The following BTBD9 variants were observed in gnomAD, a reference collection of about 807,000 sequenced individuals.
BTBD9 encodes BTB/POZ domain-containing protein 9.
BTBD9 carries 49 observed loss-of-function variants against 64.3 expected under a neutral mutation model. The ratio of observed to expected loss-of-function variants is 0.76; its 90% CI spans 0.61 to 0.97. BTBD9 has a LOEUF of 0.97. BTBD9 is among the 50% of genes least tolerant of loss of function. The pLI is 0.00. For missense variants in BTBD9, 598 were observed against 762.1 expected (o/e 0.78, Z 2.53); for synonymous variants, 260 against 274.7 (o/e 0.95, Z 0.53).
At chr6:38,416,771 A>C (rs1446190167) in intron 6 of BTBD9, among the ~76,000 whole-genome samples, 1 of 152,106 alleles carries the variant, frequency 6.6e-6, no homozygotes, top group East Asian at 1.9e-4. Context: ...GGGCACAGTC[A>C]CCAAAGGGCT....
chr6:38,325,164 T>G (rs1485659667), intron 7 of BTBD9, among the ~76,000 whole-genome samples: 1 of 152,112 alleles, frequency 6.6e-6, no homozygotes, highest in Non-Finnish European at 1.5e-5. Flanking sequence ...ATAAAAACAT[T>G]TCTGAAAATT....
intron 6 of BTBD9, among the ~76,000 whole-genome samples, chr6:38,532,591 C>A (rs1316356407): frequency 2.0e-5 from 3 of 152,090 alleles, no homozygotes; most frequent in Non-Finnish European, 4.4e-5. Context: ...TGGATACCAG[C>A]TCAGCCACAG....
intron 6 of BTBD9, among the ~76,000 whole-genome samples, chr6:38,392,026 G>A (rs1449323104): frequency 6.6e-6 from 1 of 152,078 alleles, no homozygotes; most frequent in East Asian, 1.9e-4. Context: ...TGGATCACAT[G>A]GAGGAAAAAA....
intron 4 of BTBD9, chr6:38,588,358 GC>G: frequency 1.1e-6 from 1 of 873,320 alleles, no homozygotes; most frequent in East Asian, 2.4e-5. Flanking sequence ...TTATACTGTG[GC>G]CCCTGCCTCT....
chr6:38,585,756 C>T (rs1776487610), intron 4 of BTBD9, among the ~76,000 whole-genome samples: 1 of 152,146 alleles, frequency 6.6e-6, no homozygotes, highest in African/African-American at 2.4e-5. Flanking sequence ...AGTCTAGATT[C>T]AGGCACTGTG....
At chr6:38,435,058 G>A (rs544188415) in intron 6 of BTBD9, among the ~76,000 whole-genome samples, 1 of 151,770 alleles carries the variant, frequency 6.6e-6, no homozygotes, top group Non-Finnish European at 1.5e-5. Context: ...GCCAGGCATG[G>A]TGGCACATGC....
At position 38,288,033 on chromosome 6, in the gene BTBD9, C is replaced by T. The variant is rs192678750; in HGVS notation, c.1454+239G>A. Among the ~76,000 whole-genome samples, 18 of 152,254 alleles carry T rather than the reference C, an allele frequency of 1.2e-4. 1 individual carries two copies. In the East Asian group the frequency reaches 3.5e-3, roughly 29 times the overall value. On this transcript the variant is annotated intron_variant, in intron 8 of 10. Transcript: ENST00000481247. ...AGGACATAAGCCACCCAGGGAGAAG[C>T]CTCTTGTCTAGTTCCTCCATGAGTC... is the stretch of plus-strand genomic sequence containing the variant.
rs1327954136 is a variant in BTBD9 at position 38,256,422 on chromosome 6, T to G, written c.1549A>C (p.Lys517Gln). 3 of 1,612,734 alleles carry G rather than the reference T, an allele frequency of 1.9e-6. No homozygotes were observed. The highest frequency in any genetic ancestry group is 2.5e-6 in the Non-Finnish European group (3 of 1,178,746). ...GACACAACTTACTTGCAGGAGACTT[T>G]AGTTCTGTCAGCAACCATGGTCCAC... The part of the protein sequence containing the change: ...QQWTMVADRT[K>Q]VSCKSWQSVT... Residue 517 changes from lysine (K) to glutamine (Q), a missense_variant, in exon 9 of 11, where the codon AAA becomes CAA. Coordinates refer to ENST00000481247, the MANE Select transcript of BTBD9 (RefSeq NM_001099272.2).
intron 9 of BTBD9, among the ~76,000 whole-genome samples, chr6:38,222,420 CCA>C (rs1267604771): frequency 5.3e-5 from 8 of 151,792 alleles, no homozygotes; most frequent in African/African-American, 7.3e-5. Flanking sequence ...GCCACCATGC[CCA>C]TCTAATTTTT....
intron 6 of BTBD9, among the ~76,000 whole-genome samples, chr6:38,394,239 C>A (rs921891962): frequency 6.6e-6 from 1 of 151,926 alleles, no homozygotes; most frequent in Admixed American, 6.6e-5. Flanking sequence ...GTAAGTACTA[C>A]GAAAGGAGAA....
chr6:38,209,031 G>T (rs538174623), intron 9 of BTBD9, among the ~76,000 whole-genome samples: 2 of 152,270 alleles, frequency 1.3e-5, no homozygotes, highest in East Asian at 3.9e-4. Context: ...TTAAAAAGTT[G>T]AGTTAGCTGC....
chr6:38,478,229 T>G (rs1770982124), intron 6 of BTBD9, among the ~76,000 whole-genome samples: 1 of 152,184 alleles, frequency 6.6e-6, no homozygotes, highest in Admixed American at 6.5e-5. Context: ...GAGAAACATG[T>G]GCAAAGGAAG....
intron 10 of BTBD9, among the ~76,000 whole-genome samples, chr6:38,180,447 A>T (rs570429370): frequency 6.6e-6 from 1 of 152,250 alleles, no homozygotes; most frequent in African/African-American, 2.4e-5. Flanking sequence ...AAATCTGGAA[A>T]TATTGGGCAT....
intron 1 of BTBD9, among the ~76,000 whole-genome samples, chr6:38,604,440 T>G (rs541950442): frequency 1.3e-5 from 2 of 152,372 alleles, no homozygotes; most frequent in African/African-American, 2.4e-5. Context: ...AGTTTCTGAA[T>G]ATGTATATGA....
At position 38,334,670 on chromosome 6, in the gene BTBD9, A is replaced by C. The variant is rs562297949; in HGVS notation, c.1264+10314T>G. Among the ~76,000 whole-genome samples, 3 of 151,424 alleles carry C rather than the reference A, an allele frequency of 2.0e-5. No homozygotes were observed. In the East Asian group the frequency reaches 5.8e-4, roughly 29 times the overall value. Reference sequence around the variant, plus strand: ...AAAATAAAATAAAACAAAACAAAACAAAACAAAACAAAAACAAGCTGTACG... The same window carrying C: ...AAAATAAAATAAAACAAAACAAAACCAAACAAAACAAAAACAAGCTGTACG... On this transcript the variant is annotated intron_variant, in intron 7 of 10. Coordinates refer to ENST00000481247, the MANE Select transcript of BTBD9 (RefSeq NM_001099272.2).
chr6:38,411,803 G>A (rs779723261), intron 6 of BTBD9, among the ~76,000 whole-genome samples: 45 of 152,014 alleles, frequency 3.0e-4, no homozygotes, highest in Non-Finnish European at 5.0e-4. Context: ...CAGACACGGT[G>A]GCGTGCACCT....
chr6:38,589,412 C>T (rs1457425122), intron 4 of BTBD9, among the ~76,000 whole-genome samples: 1 of 152,164 alleles, frequency 6.6e-6, no homozygotes, highest in African/African-American at 2.4e-5. Context: ...CACTTCAAAT[C>T]AAATGCAGGG....
chr6:38,503,029 A>G (rs1475290460), intron 6 of BTBD9, among the ~76,000 whole-genome samples: 1 of 152,220 alleles, frequency 6.6e-6, no homozygotes, highest in Middle Eastern at 3.2e-3. Context: ...GAAATAGGGG[A>G]AAACTGACAT....
intron 6 of BTBD9, among the ~76,000 whole-genome samples, chr6:38,408,707 T>C (rs770865804): frequency 1.3e-5 from 2 of 152,142 alleles, no homozygotes; most frequent in Non-Finnish European, 2.9e-5. Flanking sequence ...AAAGAATATA[T>C]GCAAAGAGGG....
Sources: allele counts gnomAD v4.1 joint callset (sites outside exome capture counted in the v4.1 genomes callset), GRCh38; gene constraint gnomAD v4.1.1; transcripts MANE v1.5; gene names NCBI Gene and HGNC (gene_info 2026-07-23, HGNC 2026-07-21).